Variants in MYO1E observed in about 807,000 individuals in gnomAD.
The protein encoded by MYO1E is unconventional myosin-Ie.
A neutral mutation model predicts 151.1 loss-of-function variants in MYO1E; 68 were observed. That is an observed-to-expected ratio of 0.45 (90% CI 0.37 to 0.55). The LOEUF is 0.55. Ranked by LOEUF, MYO1E falls within the 20% of genes least tolerant of loss-of-function variation. The pLI, the probability that MYO1E is intolerant of heterozygous loss-of-function variation, is 0.00. For synonymous variants in MYO1E, 601 were observed against 501.7 expected (o/e 1.20, Z -2.64); for missense variants, 1,363 against 1,389.3 (o/e 0.98, Z 0.30).
chr15:59,151,511 C>T (rs1346209749), intron 26 of MYO1E, among the ~76,000 whole-genome samples: 1 of 152,156 alleles, frequency 6.6e-6, no homozygotes, highest in African/African-American at 2.4e-5. Context: ...TAAGACTTGC[C>T]AGGGCAAAAG....
chr15:59,343,011 ATCTT>A (rs2080774393), intron 1 of MYO1E, among the ~76,000 whole-genome samples: 1 of 152,012 alleles, frequency 6.6e-6, no homozygotes, highest in Admixed American at 6.6e-5. Context: ...TCATCCTTTC[ATCTT>A]TCTATTTGAG....
intron 19 of MYO1E, among the ~76,000 whole-genome samples, chr15:59,175,755 C>T (rs1596352464): frequency 1.3e-5 from 2 of 152,244 alleles, no homozygotes; most frequent in Non-Finnish European, 2.9e-5. Context: ...TTGGGCGTAT[C>T]ACAGAAAATA....
intron 7 of MYO1E, among the ~76,000 whole-genome samples, chr15:59,225,298 T>A (rs11071415): frequency 6.6e-6 from 1 of 152,154 alleles, no homozygotes; most frequent in Non-Finnish European, 1.5e-5. Flanking sequence ...ACATAACCAC[T>A]TGCATTCTAG....
At chr15:59,150,484 T>G (rs549175062) in intron 26 of MYO1E, among the ~76,000 whole-genome samples, 1 of 152,336 alleles carries the variant, frequency 6.6e-6, no homozygotes, top group South Asian at 2.1e-4. Flanking sequence ...ATGGTTTTGC[T>G]TGCCAAAACC....
chr15:59,292,720 T>G (rs977029912), intron 1 of MYO1E, among the ~76,000 whole-genome samples: 7 of 152,242 alleles, frequency 4.6e-5, no homozygotes, highest in African/African-American at 1.2e-4. Flanking sequence ...TCAACTGAAC[T>G]GCGACAGTAC....
chr15:59,283,619 C>T (rs1393613409), intron 1 of MYO1E, among the ~76,000 whole-genome samples: 1 of 152,204 alleles, frequency 6.6e-6, no homozygotes. Flanking sequence ...TCTCACGTAA[C>T]AGCTAATTCT....
At chr15:59,175,922 AG>A (rs1405085226) in intron 19 of MYO1E, among the ~76,000 whole-genome samples, 1 of 152,306 alleles carries the variant, frequency 6.6e-6, no homozygotes, top group African/African-American at 2.4e-5. Context: ...AGATAAGGAG[AG>A]AATAAAAACC....
At chr15:59,344,215 C>A (rs1336329998) in intron 1 of MYO1E, among the ~76,000 whole-genome samples, 1 of 152,236 alleles carries the variant, frequency 6.6e-6, no homozygotes, top group Non-Finnish European at 1.5e-5. Flanking sequence ...GACACCACAG[C>A]CGTATCTGCA....
chr15:59,371,449 G>C (rs1457500078), intron 1 of MYO1E, among the ~76,000 whole-genome samples: 1 of 90,524 alleles, frequency 1.1e-5, no homozygotes, highest in Non-Finnish European at 2.7e-5. Context: ...TTTTTTTTTT[G>C]ATGAACTGCC....
intron 1 of MYO1E, among the ~76,000 whole-genome samples, chr15:59,311,961 G>A (rs901174846): frequency 2.6e-5 from 4 of 152,048 alleles, no homozygotes; most frequent in African/African-American, 9.7e-5. Flanking sequence ...GCAGCCCCTC[G>A]ATCATGAACT....
In MYO1E at chr15:59,159,696, G is replaced by A. The variant is rs1566967000; in HGVS notation, c.2786-1317C>T. 6.6e-6 allele frequency among the ~76,000 whole-genome samples: 1 copy of A among 152,188 alleles called. No homozygotes were observed. The highest frequency in any genetic ancestry group is 1.5e-5 in the Non-Finnish European group (1 of 68,038). On this transcript the variant is annotated intron_variant, in intron 24 of 27. Coordinates refer to ENST00000288235, the MANE Select transcript of MYO1E (RefSeq NM_004998.4). The surrounding 1 kb of genome is among the most constrained non-coding windows in gnomAD (Gnocchi z 4.4). ...CTCCAAAAGTTGCTGTCTGTTTTCT[G>A]CAAGTACTAACGGATACACAGACAT...
chr15:59,139,631 C>A (rs2079397301), intron 26 of MYO1E, among the ~76,000 whole-genome samples: 1 of 151,020 alleles, frequency 6.6e-6, no homozygotes, highest in Non-Finnish European at 1.5e-5. Context: ...CCTCCTACCC[C>A]TTCCTTATTA....
intron 22 of MYO1E, among the ~76,000 whole-genome samples, chr15:59,167,763 G>A (rs1024916327): frequency 1.3e-5 from 2 of 152,122 alleles, no homozygotes; most frequent in African/African-American, 2.4e-5. Flanking sequence ...TGCACCCTCC[G>A]CCTCCTGGGC....
chr15:59,253,504 A>C, intron 4 of MYO1E, among the ~76,000 whole-genome samples: 1 of 119,488 alleles, frequency 8.4e-6, no homozygotes, highest in African/African-American at 3.3e-5. Flanking sequence ...TTTTTTTGAG[A>C]CAGAGTCTCA....
intron 1 of MYO1E, chr15:59,359,682 T>C (rs552651485): frequency 2.6e-5 from 4 of 152,266 alleles, no homozygotes; most frequent in South Asian, 4.2e-4. Flanking sequence ...ATTACCATGA[T>C]ACATATGATA....
chr15:59,330,683 CCTTTATGAAAAT>C (rs2080692681), intron 1 of MYO1E, among the ~76,000 whole-genome samples: 1 of 152,178 alleles, frequency 6.6e-6, no homozygotes, highest in Non-Finnish European at 1.5e-5. Flanking sequence ...ACCTGTCCCA[CCTTTATGAAAAT>C]CATGTAGAAC....
At chr15:59,316,827 G>T (rs1010379014) in intron 1 of MYO1E, among the ~76,000 whole-genome samples, 3 of 152,152 alleles carry the variant, frequency 2.0e-5, no homozygotes, top group Non-Finnish European at 4.4e-5. Context: ...ATCATACAAA[G>T]CAAATAATGC....
chr15:59,179,869 A>C (rs1378755628), intron 18 of MYO1E, among the ~76,000 whole-genome samples: 1 of 152,260 alleles, frequency 6.6e-6, no homozygotes. Context: ...CATCATGGGT[A>C]TGTGTGGGTG....
chr15:59,206,352 GGCCCCTACCCTGCTGAA>G (rs1300937957), intron 14 of MYO1E, among the ~76,000 whole-genome samples: 1 of 152,164 alleles, frequency 6.6e-6, no homozygotes, highest in Non-Finnish European at 1.5e-5. Context: ...ACTCCCAGCC[GGCCCCTACCCTGCTGAA>G]GCCCCAGCCG....
Sources: gnomAD v4.1 joint callset for allele counts (sites outside exome capture counted in the v4.1 genomes callset) on GRCh38, gnomAD v4.1.1 for gene constraint, Gnocchi (gnomAD v3.1) non-coding constraint, MANE v1.5 for transcripts, NCBI Gene and HGNC (gene_info 2026-07-23, HGNC 2026-07-21) for gene names.